The following AFF3 variants were observed in gnomAD, a reference collection of about 807,000 sequenced individuals.
AFF3 encodes the protein ALF transcription elongation factor 3.
In AFF3, 32 loss-of-function variants were observed where a neutral mutation model predicts 129.7. The ratio of observed to expected loss-of-function variants is 0.25; its 90% CI spans 0.19 to 0.33. AFF3 has a LOEUF of 0.33. AFF3 is among the 10% of genes least tolerant of loss of function. The pLI, the probability that AFF3 is intolerant of heterozygous loss-of-function variation, is 1.00. For missense variants in AFF3, 1,373 were observed against 1,592.0 expected, an observed-to-expected ratio of 0.86 and a Z score of 2.34; for synonymous variants, 644 against 635.4, an observed-to-expected ratio of 1.01 and a Z score of -0.20.
At chr2:99,904,825 T>C (rs914363175) in intron 7 of AFF3, among the ~76,000 whole-genome samples, 1 of 152,040 alleles carries the variant, frequency 6.6e-6, no homozygotes, top group Non-Finnish European at 1.5e-5. Flanking sequence ...AAAACTAACA[T>C]AGGTGGGTCC....
At chr2:99,601,097 C>T (rs367932591) in intron 14 of AFF3, among the ~76,000 whole-genome samples, 94 of 152,284 alleles carry the variant, frequency 6.2e-4, no homozygotes, top group African/African-American at 2.2e-3. Flanking sequence ...CTCTGTCCAG[C>T]GACTGCCCTG....
intron 8 of AFF3, among the ~76,000 whole-genome samples, chr2:99,804,949 G>A (rs577835566): frequency 6.6e-6 from 1 of 152,004 alleles, no homozygotes; most frequent in South Asian, 2.1e-4. Flanking sequence ...GATGAAATGC[G>A]GGCAAGGGAT....
At chr2:99,946,210 T>C (rs1465177672) in intron 7 of AFF3, among the ~76,000 whole-genome samples, 1 of 152,020 alleles carries the variant, frequency 6.6e-6, no homozygotes, top group Non-Finnish European at 1.5e-5. Flanking sequence ...TGGTGGCTCA[T>C]GCCTGTAATC....
intron 12 of AFF3, among the ~76,000 whole-genome samples, chr2:99,658,287 T>C (rs561076503): frequency 6.6e-6 from 1 of 152,206 alleles, no homozygotes; most frequent in African/African-American, 2.4e-5. Flanking sequence ...CCCTGAAGGA[T>C]GCCTGGAGGA....
At chr2:99,573,826 A>G (rs10203780) in intron 18 of AFF3, among the ~76,000 whole-genome samples, 3,492 of 152,152 alleles carry the variant, frequency 0.023, 134 homozygotes, top group African/African-American at 0.079. Context: ...GCTGATTGTG[A>G]CTGACTTTTC....
At chr2:99,804,627 T>A (rs532965566) in intron 8 of AFF3, among the ~76,000 whole-genome samples, 22 of 152,254 alleles carry the variant, frequency 1.4e-4, no homozygotes, top group South Asian at 6.2e-4. Flanking sequence ...TAAAAAGACA[T>A]CTGCACACAT....
intron 7 of AFF3, among the ~76,000 whole-genome samples, chr2:99,909,585 C>T (rs1040019395): frequency 2.0e-5 from 3 of 150,492 alleles, no homozygotes; most frequent in African/African-American, 7.4e-5. Flanking sequence ...TGCACATGCA[C>T]CCTAAAACTT....
At chr2:99,978,542 C>T (rs1679096995) in intron 7 of AFF3, among the ~76,000 whole-genome samples, 1 of 152,168 alleles carries the variant, frequency 6.6e-6, no homozygotes, top group Non-Finnish European at 1.5e-5. Flanking sequence ...GAACATCATT[C>T]TCCCCCCAGA....
chr2:100,071,714 C>T (rs371155334), intron 4 of AFF3, among the ~76,000 whole-genome samples: 319 of 152,230 alleles, frequency 2.1e-3, no homozygotes, highest in African/African-American at 7.3e-3. Context: ...AAAAATTCTT[C>T]GAGCAAAACC....
At chr2:99,900,002 C>T (rs1694233658) in intron 7 of AFF3, among the ~76,000 whole-genome samples, 1 of 152,198 alleles carries the variant, frequency 6.6e-6, no homozygotes, top group Non-Finnish European at 1.5e-5. Context: ...AACCACTTAA[C>T]TGCACTGCAA....
chr2:99,682,808 T>G (rs1674655552), intron 11 of AFF3, among the ~76,000 whole-genome samples: 1 of 152,176 alleles, frequency 6.6e-6, no homozygotes, highest in African/African-American at 2.4e-5. Context: ...AATCAAAGAT[T>G]AACAGAAGCC....
At chr2:100,076,125 A>T (rs545626038) in intron 4 of AFF3, among the ~76,000 whole-genome samples, 9 of 152,322 alleles carry the variant, frequency 5.9e-5, no homozygotes, top group African/African-American at 2.2e-4. Flanking sequence ...ACGTCAAATC[A>T]GGGTATGGAT....
chr2:99,810,800 G>A (rs908321454), intron 8 of AFF3, among the ~76,000 whole-genome samples: 1 of 152,176 alleles, frequency 6.6e-6, no homozygotes. Flanking sequence ...CTGTTCTGGA[G>A]GCTCTAGGGG....
chr2:99,815,090 G>T (rs558539833), intron 8 of AFF3, among the ~76,000 whole-genome samples: 24 of 151,774 alleles, frequency 1.6e-4, no homozygotes, highest in African/African-American at 5.8e-4. Flanking sequence ...ACAATGTCTA[G>T]AAACACCATG....
chr2:99,978,837 C>A (rs1228933747), intron 7 of AFF3, among the ~76,000 whole-genome samples: 1 of 152,154 alleles, frequency 6.6e-6, no homozygotes, highest in Admixed American at 6.5e-5. Flanking sequence ...CACCAGATAA[C>A]GAATCTGCCA....
At chr2:99,592,160 G>A (rs759159699) in intron 15 of AFF3, among the ~76,000 whole-genome samples, 6 of 152,154 alleles carry the variant, frequency 3.9e-5, no homozygotes, top group Non-Finnish European at 8.8e-5. Context: ...GTATTCCCCT[G>A]CACAAAAACC....
intron 8 of AFF3, among the ~76,000 whole-genome samples, chr2:99,778,870 T>TG (rs1684148865): frequency 7.2e-6 from 1 of 138,402 alleles, no homozygotes; most frequent in African/African-American, 2.7e-5. Flanking sequence ...ACCTATAATT[T>TG]TGTGTGTGTG....
At chr2:99,858,713 C>T (rs1690723213) in intron 7 of AFF3, among the ~76,000 whole-genome samples, 1 of 151,940 alleles carries the variant, frequency 6.6e-6, no homozygotes, top group African/African-American at 2.4e-5. Flanking sequence ...AACACATGGA[C>T]ACATAGAGGG....
At chr2:99,981,636 A>G (rs1233772249) in intron 7 of AFF3, among the ~76,000 whole-genome samples, 1 of 152,196 alleles carries the variant, frequency 6.6e-6, no homozygotes, top group East Asian at 1.9e-4. Flanking sequence ...GTTTTTGAAT[A>G]TCTGGAATCT....
Sources: gnomAD v4.1 joint callset for allele counts (sites outside exome capture counted in the v4.1 genomes callset) on GRCh38, gnomAD v4.1.1 for gene constraint, MANE v1.5 for transcripts, NCBI Gene and HGNC (gene_info 2026-07-23, HGNC 2026-07-21) for gene names.